Variants in MAP4K4 observed in about 807,000 individuals in gnomAD.
MAP4K4 encodes mitogen-activated protein kinase kinase kinase kinase 4, also known as HPK/GCK-like kinase HGK.
MAP4K4 carries 38 observed loss-of-function variants against 189.6 expected under a neutral mutation model. The observed-to-expected ratio is 0.20, with a 90% confidence interval of 0.15 to 0.26. The LOEUF (loss-of-function observed/expected upper bound fraction) is 0.26, where lower values mean the gene tolerates loss of function less well. MAP4K4 is among the 10% of genes least tolerant of loss of function. The probability of loss-of-function intolerance (pLI) is 1.00; values close to 1 mark genes in which losing one functional copy is unlikely to be tolerated. For missense variants in MAP4K4, 1,054 were observed against 1,726.9 expected (o/e 0.61, Z 6.91); for synonymous variants, 610 against 624.3 (o/e 0.98, Z 0.34).
At chr2:101,703,275 T>C (rs933323352) in intron 2 of MAP4K4, among the ~76,000 whole-genome samples, 1 of 152,012 alleles carries the variant, frequency 6.6e-6, no homozygotes, top group Non-Finnish European at 1.5e-5. Flanking sequence ...AGGTTTAACA[T>C]GTTGAATTCA....
At chr2:101,698,846 C>T (rs552137379) in intron 2 of MAP4K4, among the ~76,000 whole-genome samples, 215 of 151,918 alleles carry the variant, frequency 1.4e-3, no homozygotes, top group African/African-American at 4.8e-3. Flanking sequence ...TTCTTTTTTT[C>T]CCCAAATCCG....
At chr2:101,757,749 G>A (rs2073632917) in intron 2 of MAP4K4, among the ~76,000 whole-genome samples, 1 of 152,248 alleles carries the variant, frequency 6.6e-6, no homozygotes, top group Non-Finnish European at 1.5e-5. Flanking sequence ...GCTGGATGTG[G>A]TGGCTCACGC....
At chr2:101,768,178 G>A (rs564874689) in intron 2 of MAP4K4, among the ~76,000 whole-genome samples, 7 of 152,270 alleles carry the variant, frequency 4.6e-5, no homozygotes, top group Admixed American at 2.0e-4. Context: ...TGAATTGGGG[G>A]CACTAAAGTG....
chr2:101,823,220 T>C (rs1328807619), intron 3 of MAP4K4, among the ~76,000 whole-genome samples: 1 of 152,196 alleles, frequency 6.6e-6, no homozygotes, highest in Non-Finnish European at 1.5e-5. Flanking sequence ...TTCCCCACCC[T>C]GATCTTCTCA....
chr2:101,713,436 T>G (rs1280441211), intron 2 of MAP4K4, among the ~76,000 whole-genome samples: 2 of 149,474 alleles, frequency 1.3e-5, no homozygotes, highest in East Asian at 4.0e-4. Flanking sequence ...CTACTAAAAG[T>G]ACAAAAAAAA....
intron 3 of MAP4K4, among the ~76,000 whole-genome samples, chr2:101,792,763 G>A (rs576592518): frequency 6.6e-6 from 1 of 152,152 alleles, no homozygotes; most frequent in South Asian, 2.1e-4. Flanking sequence ...AGCGTCTGTA[G>A]TAGCTGGGAT....
chr2:101,699,352 G>A (rs377250757), intron 2 of MAP4K4, among the ~76,000 whole-genome samples: 11 of 152,214 alleles, frequency 7.2e-5, no homozygotes, highest in East Asian at 3.8e-4. Context: ...GTGACTAACA[G>A]TGTTCATTTT....
intron 2 of MAP4K4, among the ~76,000 whole-genome samples, chr2:101,768,461 G>T (rs2150310281): frequency 6.6e-6 from 1 of 152,290 alleles, no homozygotes; most frequent in African/African-American, 2.4e-5. Flanking sequence ...GTTGATTAAG[G>T]TTTTGCTTAG....
chr2:101,727,093 A>C (rs2055849038), intron 2 of MAP4K4, among the ~76,000 whole-genome samples: 1 of 152,172 alleles, frequency 6.6e-6, no homozygotes, highest in South Asian at 2.1e-4. Flanking sequence ...CTCATGGCCC[A>C]GTCATCTCTT....
chr2:101,839,768 G>T, intron 9 of MAP4K4, 51 bp from the exon 10 acceptor site: 4 of 1,395,268 alleles, frequency 2.9e-6, no homozygotes, highest in South Asian at 2.9e-5. Context: ...TGATATTTTC[G>T]ATCTTTACTC....
chr2:101,829,623 A>G (rs769895859), intron 6 of MAP4K4, 29 bp downstream of exon 6: 2 of 1,495,894 alleles, frequency 1.3e-6, no homozygotes, highest in East Asian at 2.3e-5. Context: ...GCGTGATCTC[A>G]TAATTGCACC....
intron 2 of MAP4K4, among the ~76,000 whole-genome samples, chr2:101,707,680 GTTTTTTTTTTTTGT>G (rs370868964): frequency 0.29 from 40,502 of 141,080 alleles, 6,229 homozygotes; most frequent in South Asian, 0.5. Flanking sequence ...GTCCAGCTAA[GTTTTTTTTTTTTGT>G]TTTTTTTTTT....
chr2:101,797,733 A>G (rs2093872510), intron 3 of MAP4K4, among the ~76,000 whole-genome samples: 1 of 152,006 alleles, frequency 6.6e-6, no homozygotes, highest in African/African-American at 2.4e-5. Flanking sequence ...AGTTAAAATC[A>G]ACTACATTTT....
chr2:101,731,579 T>A (rs2058515095), intron 2 of MAP4K4, among the ~76,000 whole-genome samples: 1 of 151,978 alleles, frequency 6.6e-6, no homozygotes, highest in African/African-American at 2.4e-5. Context: ...GGCAACATGA[T>A]GAAACCCCAT....
chr2:101,698,682 C>G (rs2036148934), intron 2 of MAP4K4, 144 bp downstream of exon 2: 2 of 736,146 alleles, frequency 2.7e-6, no homozygotes, highest in Non-Finnish European at 2.4e-6. Context: ...CCTTGCAGTC[C>G]CTCTGTTTTT....
intron 2 of MAP4K4, among the ~76,000 whole-genome samples, chr2:101,744,442 C>T (rs1259316397): frequency 6.6e-6 from 1 of 152,198 alleles, no homozygotes; most frequent in Non-Finnish European, 1.5e-5. Context: ...TCCGACAGAG[C>T]AGATTAAGAG....
intron 2 of MAP4K4, among the ~76,000 whole-genome samples, chr2:101,777,189 G>T (rs1325751154): frequency 6.6e-6 from 1 of 152,214 alleles, no homozygotes; most frequent in African/African-American, 2.4e-5. Context: ...TTAAGCGAAA[G>T]CCTCTCATGG....
At chr2:101,740,525 A>G (rs2062268352) in intron 2 of MAP4K4, among the ~76,000 whole-genome samples, 1 of 152,078 alleles carries the variant, frequency 6.6e-6, no homozygotes, top group Non-Finnish European at 1.5e-5. Flanking sequence ...TTGTGCCTCT[A>G]ATTTATTATA....
chr2:101,812,795 G>A (rs1332992284), intron 3 of MAP4K4, among the ~76,000 whole-genome samples: 1 of 152,200 alleles, frequency 6.6e-6, no homozygotes, highest in Non-Finnish European at 1.5e-5. Flanking sequence ...GCACCAACTT[G>A]TCTTCTAAAT....
Sources: gnomAD v4.1 joint callset for allele counts (sites outside exome capture counted in the v4.1 genomes callset) on GRCh38, gnomAD v4.1.1 for gene constraint, MANE v1.5 for transcripts, NCBI Gene and HGNC (gene_info 2026-07-23, HGNC 2026-07-21) for gene names.